The following NSD3 variants were observed in gnomAD, a reference collection of about 807,000 sequenced individuals.
NSD3 encodes the protein nuclear receptor binding SET domain protein 3, also known as histone-lysine N-methyltransferase NSD3.
NSD3 carries 24 observed loss-of-function variants against 160.8 expected under a neutral mutation model. That is an observed-to-expected ratio of 0.15 (90% CI 0.11 to 0.21). NSD3 has a LOEUF of 0.21. NSD3 is among the 10% of genes least tolerant of loss of function. NSD3 has a pLI of 1.00. For synonymous variants in NSD3, 520 were observed against 600.0 expected, an observed-to-expected ratio of 0.87 and a Z score of 1.95; for missense variants, 1,157 against 1,735.9, an observed-to-expected ratio of 0.67 and a Z score of 5.93.
At chr8:38,380,370 C>A (rs576535281) in intron 1 of NSD3, among the ~76,000 whole-genome samples, 2 of 152,320 alleles carry the variant, frequency 1.3e-5, no homozygotes, top group African/African-American at 4.8e-5. Context: ...CCGGACACAG[C>A]GCTTTGCCAA....
Position 38,317,372 on chromosome 8 carries a change from A to C in NSD3, c.1856-1330T>G. The C allele has an allele frequency of 2.8e-6, 3 of 1,056,346 alleles. No homozygotes were observed. Among genetic ancestry groups the C allele is most frequent in the Non-Finnish European group, 3.4e-6 (3 of 873,534 alleles). 65.4% of individuals were successfully genotyped at this position (1,056,346 alleles called of 1,614,324 possible). On this transcript the variant is annotated intron_variant, in intron 9 of 23. Transcript: ENST00000317025. This position sits in a 1 kb window ranked among gnomAD's most constrained non-coding sequence, Gnocchi z 5.3. The stretch of plus-strand genomic sequence containing the variant: ...TATGGACCCAGAACACCATCACAAA[A>C]TATTTCCTTGGCCTAAAAGATCACT...
chr8:38,321,097 G>A lies in NSD3; in HGVS notation c.1784C>T (p.Pro595Leu). 6.2e-7 allele frequency: 1 copy of A among 1,613,348 alleles called. No individual in the cohort carries two copies. The highest frequency in any genetic ancestry group is 8.5e-7 in the Non-Finnish European group (1 of 1,179,836). The change falls in exon 8 of 24, where the codon CCA (proline) becomes CTA (leucine). Residue 595 changes from proline (P) to leucine (L), a missense_variant. Pro to Leu is a moderately conservative substitution (Grantham distance 98). Transcript: ENST00000317025. The surrounding 1 kb of genome is among the most constrained non-coding windows in gnomAD (Gnocchi z 4.7). ...SESEKSTEVV[P>L]KKKIKKEQVE... ...CTGCTCCTTTTTGATCTTCTTCTTT[G>A]GCACAACCTCAGTGGATTTCTCTGA...
chr8:38,279,469 C>A, intron 21 of NSD3, 71 bp downstream of exon 21: 1 of 1,526,154 alleles, frequency 6.6e-7, no homozygotes, highest in Non-Finnish European at 8.9e-7. Context: ...CCTTGAAGAA[C>A]CATGTCCTAG....
intron 7 of NSD3, 56 bp downstream of exon 7, chr8:38,326,674 G>T: frequency 6.6e-7 from 1 of 1,519,936 alleles, no homozygotes; most frequent in South Asian, 1.4e-5. Context: ...CATTATAGCA[G>T]AACAGAACAA....
At position 38,304,664 on chromosome 8, in the gene NSD3, A is replaced by G; in HGVS notation, c.2534T>C (p.Leu845Pro). Residue 845 changes from leucine (L) to proline (P), a missense_variant, in exon 14 of 24, where the codon CTC becomes CCC. By Grantham distance (98) the Leu-to-Pro change is moderately conservative (BLOSUM62 -3). Around this residue, in one of 10 missense-constraint regions of NSD3, gnomAD observed 437 missense variants for 576.6 expected, o/e 0.76. Transcript: ENST00000317025. The part of the protein sequence containing the change: ...AGSMLVSSYI[L>P]ICSNHSKRSS... ...CCGTTTGGAATGATTACTACAGATG[A>G]GAATGTAGGAGGATACTAACATGCT... is the stretch of plus-strand genomic sequence containing the variant. The G allele has an allele frequency of 6.2e-7, 1 of 1,614,084 alleles. No homozygotes were observed. Among genetic ancestry groups the G allele is most frequent in the Non-Finnish European group, 8.5e-7 (1 of 1,179,984 alleles).
Position 38,357,162 on chromosome 8 carries a change from C to A in NSD3, c.-44-8947G>T, listed in dbSNP as rs866042658. 4.6e-4 allele frequency among the ~76,000 whole-genome samples: 64 copies of A among 140,382 alleles called. 1 individual carries two copies. The highest frequency in any genetic ancestry group is 1.5e-3 in the African/African-American group (56 of 38,522). The allele number at this position is 140,382 out of a possible 152,430, so 92.1% of individuals were successfully genotyped here. On this transcript the variant is annotated intron_variant, in intron 1 of 23. Coordinates refer to ENST00000317025, the MANE Select transcript of NSD3 (RefSeq NM_023034.2). Reference sequence around the variant, plus strand: ...AAAAAAAAAATCCTTACATTGATATCATTATTTAAGCATTTTGGAATTAGA... The same window carrying A: ...AAAAAAAAAATCCTTACATTGATATAATTATTTAAGCATTTTGGAATTAGA...
At chr8:38,282,516 C>T (rs998256807) in intron 19 of NSD3, among the ~76,000 whole-genome samples, 1 of 152,064 alleles carries the variant, frequency 6.6e-6, no homozygotes, top group African/African-American at 2.4e-5. Flanking sequence ...ACTAAGAATA[C>T]AAAAATTGGT....
At chr8:38,276,016 CCAAA>C (rs1197506202) in intron 23 of NSD3, 134 bp from the exon 24 acceptor site, 8 of 887,698 alleles carry the variant, frequency 9.0e-6, no homozygotes, top group African/African-American at 3.4e-5. Flanking sequence ...CAAATTTCAA[CCAAA>C]CATAGATCTG....
intron 5 of NSD3, among the ~76,000 whole-genome samples, chr8:38,330,496 T>C (rs571545698): frequency 6.6e-6 from 1 of 152,236 alleles, no homozygotes; most frequent in African/African-American, 2.4e-5. Flanking sequence ...CCAGAGTCAA[T>C]CAGAAGACTT....
At chr8:38,358,802 T>G (rs961086846) in intron 1 of NSD3, among the ~76,000 whole-genome samples, 31 of 152,132 alleles carry the variant, frequency 2.0e-4, no homozygotes, top group Admixed American at 3.9e-4. Context: ...CTTCTGAATG[T>G]GACTCACATT....
At chr8:38,284,342 A>ATC (rs1808806770) in intron 19 of NSD3, among the ~76,000 whole-genome samples, 1 of 152,236 alleles carries the variant, frequency 6.6e-6, no homozygotes, top group Non-Finnish European at 1.5e-5. Context: ...TTGTATTGCC[A>ATC]TCTTGGCTGC....
intron 21 of NSD3, among the ~76,000 whole-genome samples, chr8:38,278,866 A>G (rs1808672406): frequency 6.6e-6 from 1 of 152,274 alleles, no homozygotes; most frequent in Middle Eastern, 3.2e-3. Flanking sequence ...CATACACCAA[A>G]GATCCAGGGA....
chr8:38,339,288 T>C (rs190600218), intron 2 of NSD3, among the ~76,000 whole-genome samples: 106 of 152,296 alleles, frequency 7.0e-4, no homozygotes, highest in African/African-American at 2.4e-3. Flanking sequence ...TGGTTGTATA[T>C]ATGAAAAACA....
At chr8:38,334,731 G>C (rs1279431538) in intron 4 of NSD3, among the ~76,000 whole-genome samples, 1 of 151,686 alleles carries the variant, frequency 6.6e-6, no homozygotes, top group Non-Finnish European at 1.5e-5. Context: ...CTGCACTACA[G>C]CCTGGGCAAC....
chr8:38,283,536 G>A (rs1253747188), intron 19 of NSD3, among the ~76,000 whole-genome samples: 1 of 151,478 alleles, frequency 6.6e-6, no homozygotes, highest in Non-Finnish European at 1.5e-5. Context: ...AAATCATTAG[G>A]AACATAAGCC....
At chr8:38,293,366 A>C (rs1304293984) in intron 16 of NSD3, among the ~76,000 whole-genome samples, 3 of 151,812 alleles carry the variant, frequency 2.0e-5, no homozygotes, top group African/African-American at 4.8e-5. Context: ...CCGGGCCAAC[A>C]TGGTGAAACC....
intron 22 of NSD3, among the ~76,000 whole-genome samples, chr8:38,277,238 G>T (rs1158779526): frequency 1.3e-5 from 2 of 152,048 alleles, no homozygotes; most frequent in African/African-American, 4.8e-5. Flanking sequence ...CACTGCGCCT[G>T]GCCTTCACTG....
Position 38,373,996 on chromosome 8 carries a change from T to C in NSD3, c.-45+7803A>G, listed in dbSNP as rs142836804. On this transcript the variant is annotated intron_variant, in intron 1 of 23. Coordinates refer to ENST00000317025, the MANE Select transcript of NSD3 (RefSeq NM_023034.2). ...TGGGTGTGGTGGCACACGCCTGTAG[T>C]CCCAGCTACTCAGGAGGCTGAGGTG... Among the ~76,000 whole-genome samples the C allele has an allele frequency of 0.021, 3,146 of 146,720 alleles. 198 individuals are homozygous for C. The East Asian group carries it at 0.22, about 10-fold the overall frequency.
intron 19 of NSD3, among the ~76,000 whole-genome samples, chr8:38,284,930 C>T (rs1808823784): frequency 6.6e-6 from 1 of 152,172 alleles, no homozygotes; most frequent in African/African-American, 2.4e-5. Flanking sequence ...CTTGATACCA[C>T]TGTAAATAAA....
Sources: gnomAD v4.1 joint callset for allele counts (sites outside exome capture counted in the v4.1 genomes callset) on GRCh38, gnomAD v4.1.1 for gene constraint, gnomAD v4.1.1 regional missense constraint, Gnocchi (gnomAD v3.1) non-coding constraint, MANE v1.5 for transcripts, NCBI Gene and HGNC (gene_info 2026-07-23, HGNC 2026-07-21) for gene names.